Variants in POLK observed in about 807,000 individuals in gnomAD.
The protein encoded by POLK is polymerase (DNA directed) kappa.
POLK carries 76 observed loss-of-function variants against 94.0 expected under a neutral mutation model. That is an observed-to-expected ratio of 0.81 (90% CI 0.67 to 0.98). The LOEUF is 0.98. Ranked by LOEUF, POLK falls within the 50% of genes least tolerant of loss-of-function variation. POLK has a pLI of 0.00. For synonymous variants in POLK, 349 were observed against 325.4 expected (o/e 1.07, Z -0.78); for missense variants, 954 against 1,010.1 (o/e 0.94, Z 0.75).
upstream of POLK, chr5:75,511,717 C>A: frequency 1.3e-6 from 2 of 1,547,032 alleles, no homozygotes; most frequent in Non-Finnish European, 1.7e-6. Context: ...CGGCGTCTGA[C>A]GCGACACGCC....
intron 12 of POLK, among the ~76,000 whole-genome samples, chr5:75,595,271 A>AAAAAAAAAAAAAAAAAC (rs1773015320): frequency 6.7e-6 from 1 of 149,036 alleles, no homozygotes; most frequent in Non-Finnish European, 1.5e-5. Flanking sequence ...AAAAAAAAAA[A>AAAAAAAAAAAAAAAAAC]AAGCCCAAGA....
intron 1 of POLK, among the ~76,000 whole-genome samples, chr5:75,528,089 G>A (rs60835393): frequency 0.013 from 1,901 of 152,078 alleles, 39 homozygotes; most frequent in African/African-American, 0.043. Context: ...ATGATGGCAT[G>A]GAAAATTTCC....
intron 3 of POLK, among the ~76,000 whole-genome samples, chr5:75,560,223 G>A (rs1337220865): frequency 6.6e-6 from 1 of 152,158 alleles, no homozygotes; most frequent in East Asian, 1.9e-4. Flanking sequence ...ATTATGACCA[G>A]TAAATGAGTT....
chr5:75,538,866 G>A (rs1325873224), intron 1 of POLK, among the ~76,000 whole-genome samples: 1 of 152,120 alleles, frequency 6.6e-6, no homozygotes. Context: ...CACTTTCCAA[G>A]TTCAAGCAAT....
At chr5:75,573,373 G>A (rs1771700966) in intron 4 of POLK, among the ~76,000 whole-genome samples, 1 of 152,080 alleles carries the variant, frequency 6.6e-6, no homozygotes. Flanking sequence ...TGTGGTGGGG[G>A]GAAGGGGGAG....
intron 3 of POLK, among the ~76,000 whole-genome samples, chr5:75,565,031 T>A (rs555525011): frequency 6.6e-6 from 1 of 152,316 alleles, no homozygotes; most frequent in South Asian, 2.1e-4. Flanking sequence ...CAAATGTAGG[T>A]TTGGTCTTTT....
chr5:75,577,748 G>A (rs1312310443), intron 6 of POLK, among the ~76,000 whole-genome samples: 1 of 152,178 alleles, frequency 6.6e-6, no homozygotes, highest in Non-Finnish European at 1.5e-5. Context: ...GATCCACAAT[G>A]ACATTAATCT....
upstream of POLK, chr5:75,511,252 C>T: frequency 6.2e-7 from 1 of 1,604,428 alleles, no homozygotes; most frequent in Non-Finnish European, 8.5e-7. Flanking sequence ...GCTCCCTCAG[C>T]TGCGCCGGAG....
intron 4 of POLK, among the ~76,000 whole-genome samples, chr5:75,571,392 A>G (rs1032855728): frequency 2.0e-5 from 3 of 152,132 alleles, no homozygotes; most frequent in Non-Finnish European, 4.4e-5. Flanking sequence ...GCAGTTACCT[A>G]TTGCTGCATA....
At chr5:75,577,785 C>A (rs371789799) in intron 6 of POLK, among the ~76,000 whole-genome samples, 121 of 152,336 alleles carry the variant, frequency 7.9e-4, no homozygotes, top group African/African-American at 2.8e-3. Context: ...TTGTGACTCA[C>A]ATCATTTGAT....
intron 1 of POLK, among the ~76,000 whole-genome samples, chr5:75,531,662 G>A (rs1320270780): frequency 1.3e-5 from 2 of 151,924 alleles, no homozygotes; most frequent in East Asian, 3.9e-4. Flanking sequence ...GCGTGGTGGT[G>A]GGCACCTGTA....
At chr5:75,552,381 C>T (rs1770376314) in intron 2 of POLK, 91 bp from the exon 3 acceptor site, 2 of 1,161,898 alleles carry the variant, frequency 1.7e-6, no homozygotes, top group East Asian at 5.1e-5. Context: ...TCTTCTGTTT[C>T]CTGAGTATGT....
chr5:75,588,807 C>G (rs984223277), intron 10 of POLK, among the ~76,000 whole-genome samples: 2 of 152,210 alleles, frequency 1.3e-5, no homozygotes, highest in African/African-American at 4.8e-5. Context: ...CAACTTCTTT[C>G]TCTGACTCTA....
intron 12 of POLK, among the ~76,000 whole-genome samples, chr5:75,595,017 A>G (rs1007929428): frequency 2.6e-5 from 4 of 152,144 alleles, no homozygotes; most frequent in African/African-American, 9.7e-5. Context: ...TTGGGAGGCC[A>G]AGGCAGGTGG....
the POLK span, among the ~76,000 whole-genome samples, chr5:75,607,070 A>G: frequency 3.3e-5 from 5 of 152,240 alleles, no homozygotes; most frequent in African/African-American, 1.2e-4. Context: ...TGTGAAAAAT[A>G]GGTGTTACAG....
intron 4 of POLK, among the ~76,000 whole-genome samples, chr5:75,573,456 A>T (rs1313021107): frequency 6.6e-6 from 1 of 152,204 alleles, no homozygotes; most frequent in African/African-American, 2.4e-5. Flanking sequence ...TGGCACATGT[A>T]TACATATGTA....
chr5:75,578,847 A>G (rs537872620), intron 6 of POLK, among the ~76,000 whole-genome samples: 23 of 152,340 alleles, frequency 1.5e-4, no homozygotes, highest in African/African-American at 5.5e-4. Context: ...TTACTCTCCC[A>G]TGTAAATCTG....
intron 10 of POLK, among the ~76,000 whole-genome samples, chr5:75,587,696 A>G (rs1467122947): frequency 6.6e-6 from 1 of 152,088 alleles, no homozygotes; most frequent in Non-Finnish European, 1.5e-5. Flanking sequence ...TGAGGTGGGC[A>G]GATCACTTGA....
intron 1 of POLK, 86 bp from the exon 2 acceptor site, chr5:75,546,924 C>T (rs1355719516): frequency 5.1e-6 from 3 of 588,806 alleles, no homozygotes; most frequent in African/African-American, 1.9e-5. Flanking sequence ...GCCTCGGCCT[C>T]CCAAAGTGCT....
Sources: allele counts gnomAD v4.1 joint callset (sites outside exome capture counted in the v4.1 genomes callset), GRCh38; gene constraint gnomAD v4.1.1; transcripts MANE v1.5; gene names NCBI Gene and HGNC (gene_info 2026-07-23, HGNC 2026-07-21).